ARHGAP39: variants seen among roughly 807,000 people sequenced by gnomAD.
ARHGAP39 encodes the protein rho GTPase-activating protein 39.
Under a neutral mutation model 106.9 loss-of-function variants are expected in ARHGAP39, and 44 were observed. That is an observed-to-expected ratio of 0.41 (90% CI 0.32 to 0.53). ARHGAP39 has a LOEUF of 0.53. Ranked by LOEUF, ARHGAP39 falls within the 20% of genes least tolerant of loss-of-function variation. The pLI is 0.21. For synonymous variants in ARHGAP39, 768 were observed against 693.2 expected (o/e 1.11, Z -1.69); for missense variants, 1,496 against 1,577.3 (o/e 0.95, Z 0.87).
At position 144,529,399 on chromosome 8, in the gene ARHGAP39, T is replaced by C. The variant is rs576875885; in HGVS notation, c.*1023A>G. 24 of 152,380 alleles carry C rather than the reference T, an allele frequency of 1.6e-4. No homozygotes were observed. The allele number at this position is 152,380 out of a possible 1,614,324, so 9.4% of individuals were successfully genotyped here. ...GGGGAGAAATTAAGTTTTACAACAA[T>C]TGGAACTCAAAATTCCAAAATGGAA... On this transcript the variant is annotated 3_prime_UTR_variant, in exon 12 of 12. Transcript: ENST00000377307.
In ARHGAP39 at chr8:144,586,104, A is replaced by G. The variant is rs1057264823; in HGVS notation, c.81-4827T>C. ...AGCAGTTCTCCTGCCTCAGTCCCCCAAGTAGCTGGGATTACAGGTGTATGC... is the reference window on the plus strand; with the variant it reads ...AGCAGTTCTCCTGCCTCAGTCCCCCGAGTAGCTGGGATTACAGGTGTATGC... On this transcript the variant is annotated intron_variant, in intron 2 of 11. Coordinates refer to ENST00000377307, the MANE Select transcript of ARHGAP39 (RefSeq NM_025251.3). The surrounding 1 kb of genome is among the most constrained non-coding windows in gnomAD (Gnocchi z 4.2). Among the ~76,000 whole-genome samples, 8 of 152,090 alleles carry G rather than the reference A, an allele frequency of 5.3e-5. No homozygotes were observed. Among genetic ancestry groups the G allele is most frequent in the Non-Finnish European group, 1.2e-4 (8 of 68,008 alleles).
intron 1 of ARHGAP39, among the ~76,000 whole-genome samples, chr8:144,642,955 G>T (rs541529487): frequency 2.6e-5 from 4 of 151,962 alleles, no homozygotes; most frequent in African/African-American, 9.7e-5. Context: ...TGAGGCTGCC[G>T]TGAGCCGACA....
At chr8:144,686,976 A>C (rs1586659436), upstream of ARHGAP39, among the ~76,000 whole-genome samples, 2 of 62,138 alleles carry the variant, frequency 3.2e-5, no homozygotes, top group Non-Finnish European at 6.1e-5. Context: ...AGCACTTCCC[A>C]CCCCCGTGAC....
intron 4 of ARHGAP39, among the ~76,000 whole-genome samples, chr8:144,550,147 TC>T (rs763688386): frequency 1.3e-5 from 2 of 152,038 alleles, no homozygotes; most frequent in East Asian, 3.9e-4. Flanking sequence ...GGTGGTGTGC[TC>T]CTGTAGTCCC....
At position 144,538,359 on chromosome 8, in the gene ARHGAP39, G is replaced by C. The variant is rs563243537; in HGVS notation, c.2522-546C>G. Among the ~76,000 whole-genome samples the C allele has an allele frequency of 3.3e-5, 5 of 152,334 alleles. No homozygotes were observed. The East Asian group carries it at 9.6e-4, about 29-fold the overall frequency. Reference sequence around the variant, plus strand: ...GATGACCTAGCTGAGGTCACGGCTGGCAGGCTCCTGTGAGGTACCGTCTCC... The same window carrying C: ...GATGACCTAGCTGAGGTCACGGCTGCCAGGCTCCTGTGAGGTACCGTCTCC... On this transcript the variant is annotated intron_variant, in intron 6 of 11. Transcript: ENST00000377307.
the ARHGAP39 span, among the ~76,000 whole-genome samples, chr8:144,696,754 A>G: frequency 2.0e-5 from 3 of 152,152 alleles, no homozygotes; most frequent in Admixed American, 1.3e-4. Flanking sequence ...ACTTATCACC[A>G]TCATCCATCT....
intron 3 of ARHGAP39, among the ~76,000 whole-genome samples, chr8:144,574,642 C>G (rs1818707607): frequency 6.6e-6 from 1 of 152,066 alleles, no homozygotes; most frequent in African/African-American, 2.4e-5. Flanking sequence ...GCACTGCATT[C>G]CAGCCTGGGC....
chr8:144,643,164 A>T (rs1333341091), intron 1 of ARHGAP39, among the ~76,000 whole-genome samples: 1 of 151,960 alleles, frequency 6.6e-6, no homozygotes. Context: ...ACATGTTCTT[A>T]TCTCCACCGT....
At chr8:144,602,590 GGAGGTGTGTGTGC>G (rs1820064183) in intron 2 of ARHGAP39, among the ~76,000 whole-genome samples, 1 of 140,666 alleles carries the variant, frequency 7.1e-6, no homozygotes, top group Non-Finnish European at 1.5e-5. Context: ...GCATGTGTGT[GGAGGTGTGTGTGC>G]GAGCTCATGT....
chr8:144,541,350 ATTTTCT>A (rs1175279109), intron 6 of ARHGAP39, among the ~76,000 whole-genome samples: 2 of 151,714 alleles, frequency 1.3e-5, no homozygotes, highest in Non-Finnish European at 2.9e-5. Context: ...TTCCTTTTCC[ATTTTCT>A]TTTTCTTTGT....
At chr8:144,672,215 C>G (rs936223916) in intron 1 of ARHGAP39, among the ~76,000 whole-genome samples, 2 of 152,220 alleles carry the variant, frequency 1.3e-5, no homozygotes, top group African/African-American at 4.8e-5. Context: ...GCCACACATG[C>G]AGCAGGCAGT....
At chr8:144,584,169 TG>T (rs1284459322) in intron 2 of ARHGAP39, 1 of 152,260 alleles carries the variant, frequency 6.6e-6, no homozygotes, top group Non-Finnish European at 1.5e-5. Flanking sequence ...CCAAGTGCGG[TG>T]GCTCATGCCT....
intron 1 of ARHGAP39, among the ~76,000 whole-genome samples, chr8:144,653,879 G>A (rs905384117): frequency 6.6e-6 from 1 of 152,246 alleles, no homozygotes; most frequent in African/African-American, 2.4e-5. Context: ...TAACTAGAAT[G>A]TGAAAGAACT....
intron 1 of ARHGAP39, among the ~76,000 whole-genome samples, chr8:144,678,288 A>G (rs1189387186): frequency 1.3e-5 from 2 of 152,048 alleles, no homozygotes; most frequent in African/African-American, 4.8e-5. Flanking sequence ...AAAAAAGAAA[A>G]TACAAATGTA....
intron 1 of ARHGAP39, among the ~76,000 whole-genome samples, chr8:144,685,179 C>T (rs1187307641): frequency 2.7e-5 from 4 of 149,628 alleles, no homozygotes; most frequent in African/African-American, 9.8e-5. Flanking sequence ...AGCACACTCA[C>T]ACCCCCCTGG....
chr8:144,620,068 CTG>C (rs1290890592), intron 1 of ARHGAP39, among the ~76,000 whole-genome samples: 3 of 119,568 alleles, frequency 2.5e-5, no homozygotes, highest in African/African-American at 3.3e-5. Context: ...GAGAGCGTGT[CTG>C]TGTGTGCCCG....
At chr8:144,574,149 G>GAAA (rs35193383) in intron 3 of ARHGAP39, among the ~76,000 whole-genome samples, 10 of 107,286 alleles carry the variant, frequency 9.3e-5, no homozygotes, top group African/African-American at 3.1e-4. Flanking sequence ...CTGGGTGACA[G>GAAA]AAAAAAAAAA....
At chr8:144,566,820 G>A (rs1310866966) in intron 3 of ARHGAP39, among the ~76,000 whole-genome samples, 2 of 150,184 alleles carry the variant, frequency 1.3e-5, no homozygotes, top group Non-Finnish European at 3.0e-5. Context: ...GTGCCACTGC[G>A]CTCCAGCCTA....
chr8:144,654,937 A>G (rs1227485221), intron 1 of ARHGAP39, among the ~76,000 whole-genome samples: 1 of 152,024 alleles, frequency 6.6e-6, no homozygotes, highest in Non-Finnish European at 1.5e-5. Flanking sequence ...CCCCACCCCA[A>G]TGGGCACAGC....
Sources: allele counts gnomAD v4.1 joint callset (sites outside exome capture counted in the v4.1 genomes callset), GRCh38; gene constraint gnomAD v4.1.1; non-coding constraint Gnocchi (gnomAD v3.1); transcripts MANE v1.5; gene names NCBI Gene and HGNC (gene_info 2026-07-23, HGNC 2026-07-21).